The following WIPF1 variants were observed in gnomAD, a reference collection of about 807,000 sequenced individuals.
WIPF1 encodes the protein WAS/WASL interacting protein family member 1.
In WIPF1, 13 loss-of-function variants were observed where a neutral mutation model predicts 35.4. The ratio of observed to expected loss-of-function variants is 0.37; its 90% CI spans 0.24 to 0.58. The LOEUF is 0.58. WIPF1 is among the 20% of genes least tolerant of loss of function. The probability of loss-of-function intolerance (pLI) is 0.74; values close to 1 mark genes in which losing one functional copy is unlikely to be tolerated. For missense variants in WIPF1, 591 were observed against 667.0 expected (o/e 0.89, Z 1.25); for synonymous variants, 267 against 266.3 (o/e 1.00, Z -0.02).
chr2:174,635,364 G>C (rs1043080652), intron 1 of WIPF1, among the ~76,000 whole-genome samples: 2 of 152,048 alleles, frequency 1.3e-5, no homozygotes, highest in African/African-American at 2.4e-5. Context: ...CTGGCCATGG[G>C]GGCTCTGATG....
intron 2 of WIPF1, among the ~76,000 whole-genome samples, chr2:174,582,020 C>T (rs1680796768): frequency 6.6e-6 from 1 of 152,020 alleles, no homozygotes; most frequent in African/African-American, 2.4e-5. Context: ...GTGAAATCAC[C>T]CTTTTTAGTT....
intron 1 of WIPF1, among the ~76,000 whole-genome samples, chr2:174,615,903 G>A (rs1270500009): frequency 1.3e-5 from 2 of 152,148 alleles, no homozygotes; most frequent in Non-Finnish European, 2.9e-5. Flanking sequence ...CCCTCTATTT[G>A]CCAAAATTAG....
In WIPF1 at chr2:174,675,844, G is replaced by GGGGAGGAGT. The variant is rs576368258; in HGVS notation, c.-39+6921_-39+6929dup. 3.8e-3 allele frequency among the ~76,000 whole-genome samples: 573 copies of GGGGAGGAGT among 151,486 alleles called. 8 individuals carry two copies. The highest frequency in any genetic ancestry group is 0.014 in the African/African-American group (555 of 41,022). ...GTGTGGGGTGGAGGCGGGGGTGTGA[G>GGGGAGGAGT]GGGAGGAGTGGGAGGGTGGGCCGTA... On this transcript the variant is annotated intron_variant, in intron 1 of 8. Coordinates refer to the WIPF1 transcript ENST00000272746.
chr2:174,594,897 G>T lies in WIPF1; in HGVS notation c.-39+2704C>A, dbSNP rs4972700. On this transcript the variant is annotated intron_variant, in intron 1 of 7. Transcript: ENST00000679041. ...AGTTTTAAAGATATTTACTGTTGCT[G>T]TGACATTTAAAGCAAAACATTTGTA... is the stretch of plus-strand genomic sequence containing the variant. Among the ~76,000 whole-genome samples the T allele has an allele frequency of 7.4e-3, 1,120 of 151,372 alleles. 29 individuals are homozygous for T. Among genetic ancestry groups the T allele is most frequent in the East Asian group, 0.053 (273 of 5,168 alleles).
chr2:174,682,286 G>A (rs1297777491), intron 1 of WIPF1, among the ~76,000 whole-genome samples: 1 of 152,174 alleles, frequency 6.6e-6, no homozygotes, highest in Non-Finnish European at 1.5e-5. Context: ...GGAGGGGCAC[G>A]GTTCCCATAG....
chr2:174,569,146 T>A (rs184310802), intron 5 of WIPF1, among the ~76,000 whole-genome samples: 1 of 152,356 alleles, frequency 6.6e-6, no homozygotes, highest in African/African-American at 2.4e-5. Flanking sequence ...TACAATGTCT[T>A]AAGGTGCTAT....
Position 174,561,207 on chromosome 2 carries a change from C to T in WIPF1, c.*1340G>A, listed in dbSNP as rs1302197758. 6.6e-6 allele frequency: 1 copy of T among 152,590 alleles called. No homozygotes were observed. Among genetic ancestry groups the T allele is most frequent in the East Asian group, 1.9e-4 (1 of 5,200 alleles). The allele number at this position is 152,590 out of a possible 1,614,324, so 9.5% of individuals were successfully genotyped here. A position where few individuals can be genotyped will look rare whatever the true frequency, so the allele number is the denominator to read the frequency against. On this transcript the variant is annotated 3_prime_UTR_variant, in exon 8 of 8. Coordinates refer to ENST00000679041, the MANE Select transcript of WIPF1 (RefSeq NM_001375834.1). ...TGCAAAACAAATTCCCTCCAATTTC[C>T]ACTAGCAATCTCCCTAATTCGCTCA...
At chr2:174,605,360 C>A (rs960867513) in intron 1 of WIPF1, among the ~76,000 whole-genome samples, 2 of 152,148 alleles carry the variant, frequency 1.3e-5, no homozygotes, top group African/African-American at 4.8e-5. Flanking sequence ...ATTGCTTGAA[C>A]CCGGAAGGCG....
rs1246015813 is a variant in WIPF1 at position 174,590,094 on chromosome 2, A to C, written c.-38-4483T>G. On this transcript the variant is annotated intron_variant, in intron 1 of 7. Coordinates refer to ENST00000679041, the MANE Select transcript of WIPF1 (RefSeq NM_001375834.1). The surrounding 1 kb of genome is among the most constrained non-coding windows in gnomAD (Gnocchi z 4.6). ...AATAAAATAAAAACAAATTAAAATT[A>C]AATTTTTTAAAAAAAGGAGTCCTTT... Among the ~76,000 whole-genome samples, 2 of 152,162 alleles carry C rather than the reference A, an allele frequency of 1.3e-5. No homozygotes were observed. Among genetic ancestry groups the C allele is most frequent in the East Asian group, 3.8e-4 (2 of 5,200 alleles).
rs1685555929 is a variant in WIPF1 at position 174,590,045 on chromosome 2, C to T, written c.-38-4434G>A. Among the ~76,000 whole-genome samples the T allele has an allele frequency of 2.0e-5, 3 of 151,320 alleles. No homozygotes were observed. The highest frequency in any genetic ancestry group is 2.0e-4 in the Admixed American group (3 of 15,184). ...GACTAGCTTGGGCTACAAAGTGAGC[C>T]CTTTATCTCTAAAAATAAAATAAAA... On this transcript the variant is annotated intron_variant, in intron 1 of 7. Transcript: ENST00000679041. The surrounding 1 kb of genome is among the most constrained non-coding windows in gnomAD (Gnocchi z 4.6).
At chr2:174,576,243 A>AAAAAAAAAAAAAAC (rs1559149036) in intron 3 of WIPF1, among the ~76,000 whole-genome samples, 2 of 150,350 alleles carry the variant, frequency 1.3e-5, no homozygotes, top group African/African-American at 5.0e-5. Flanking sequence ...AAAAAAAAAA[A>AAAAAAAAAAAAAAC]AAAAAACACT....
chr2:174,569,430 T>G (rs1684764076), intron 5 of WIPF1, among the ~76,000 whole-genome samples: 2 of 152,164 alleles, frequency 1.3e-5, no homozygotes, highest in South Asian at 2.1e-4. Flanking sequence ...TGGTTTTAAC[T>G]TCATTGGTGA....
chr2:174,612,943 A>G (rs931696052), intron 1 of WIPF1, among the ~76,000 whole-genome samples: 6 of 152,206 alleles, frequency 3.9e-5, no homozygotes. Context: ...TTATAAACCA[A>G]ATGTTCATAA....
intron 3 of WIPF1, among the ~76,000 whole-genome samples, chr2:174,578,469 T>C (rs1474656746): frequency 6.6e-6 from 1 of 152,218 alleles, no homozygotes; most frequent in Non-Finnish European, 1.5e-5. Context: ...AGTAATTTAA[T>C]AAAGTTTTTA....
At chr2:174,623,062 A>G (rs895366997) in intron 1 of WIPF1, among the ~76,000 whole-genome samples, 6 of 152,276 alleles carry the variant, frequency 3.9e-5, no homozygotes, top group Non-Finnish European at 7.3e-5. Context: ...ATATATTAAC[A>G]TAAGTGCTTC....
chr2:174,661,154 C>T (rs927988399), intron 1 of WIPF1, among the ~76,000 whole-genome samples: 7 of 152,258 alleles, frequency 4.6e-5, no homozygotes. Context: ...ACAGCTGCAA[C>T]AGGGAGGCCA....
intron 1 of WIPF1, among the ~76,000 whole-genome samples, chr2:174,623,262 G>T (rs1686732130): frequency 6.6e-6 from 1 of 152,224 alleles, no homozygotes. Context: ...CACAGTTTCT[G>T]TGGGTCAGAG....
intron 1 of WIPF1, among the ~76,000 whole-genome samples, chr2:174,664,329 G>T (rs1418583873): frequency 1.3e-5 from 2 of 152,178 alleles, no homozygotes; most frequent in African/African-American, 2.4e-5. Context: ...CTGTGCCAGG[G>T]TCTCCAGGGC....
chr2:174,592,597 A>C (rs1360258007), intron 1 of WIPF1, among the ~76,000 whole-genome samples: 2 of 141,322 alleles, frequency 1.4e-5, no homozygotes, highest in African/African-American at 5.3e-5. Flanking sequence ...ATTTACATTT[A>C]TTTATTGATT....
Sources: allele counts gnomAD v4.1 joint callset (sites outside exome capture counted in the v4.1 genomes callset), GRCh38; gene constraint gnomAD v4.1.1; non-coding constraint Gnocchi (gnomAD v3.1); transcripts MANE v1.5; gene names NCBI Gene and HGNC (gene_info 2026-07-23, HGNC 2026-07-21).